ASPH: variants seen among roughly 807,000 people sequenced by gnomAD.
ASPH encodes the protein aspartyl/asparaginyl beta-hydroxylase.
ASPH carries 100 observed loss-of-function variants against 118.4 expected under a neutral mutation model. The ratio of observed to expected loss-of-function variants is 0.84; its 90% CI spans 0.72 to 1.00. The LOEUF (loss-of-function observed/expected upper bound fraction) is 1.00. ASPH is among the 50% of genes least tolerant of loss of function. ASPH has a pLI of 0.00. For synonymous variants in ASPH, 315 were observed against 325.6 expected (o/e 0.97, Z 0.35); for missense variants, 920 against 919.5 (o/e 1.00, Z -0.01).
At chr8:61,512,167 T>C (rs914800477) in intron 24 of ASPH, among the ~76,000 whole-genome samples, 1 of 152,078 alleles carries the variant, frequency 6.6e-6, no homozygotes, top group Non-Finnish European at 1.5e-5. Flanking sequence ...ACTACTAATA[T>C]TGTAGTGGGC....
At chr8:61,564,145 G>T (rs1460133880) in intron 17 of ASPH, among the ~76,000 whole-genome samples, 1 of 152,030 alleles carries the variant, frequency 6.6e-6, no homozygotes, top group Non-Finnish European at 1.5e-5. Context: ...TGATGTGAAG[G>T]CTAGTTTAAT....
intron 15 of ASPH, chr8:61,579,440 G>A: frequency 3.1e-6 from 5 of 1,611,022 alleles, no homozygotes; most frequent in Non-Finnish European, 4.2e-6. Flanking sequence ...CTGGGATGCA[G>A]AACATGAGTA....
In ASPH at chr8:61,500,837, A is replaced by G. The variant is rs939408980; in HGVS notation, c.*2522T>C. On this transcript the variant is annotated 3_prime_UTR_variant, in exon 25 of 25. Coordinates refer to ENST00000379454, the MANE Select transcript of ASPH (RefSeq NM_004318.4). The stretch of plus-strand genomic sequence containing the variant: ...AATATGATTTTACATTATTTTAAAT[A>G]TTTGGGAGAGTTAATTTGTTAGCTA... The G allele has an allele frequency of 3.3e-5, 5 of 152,216 alleles. No homozygotes were observed. Among genetic ancestry groups the G allele is most frequent in the African/African-American group, 1.2e-4 (5 of 41,446 alleles). The allele number at this position is 152,216 out of a possible 1,614,324, so 9.4% of individuals were successfully genotyped here.
intron 1 of ASPH, among the ~76,000 whole-genome samples, chr8:61,697,172 G>A (rs561817565): frequency 1.2e-3 from 177 of 152,228 alleles, no homozygotes; most frequent in African/African-American, 3.3e-3. Flanking sequence ...TAAAACACAC[G>A]TCTTACAGTT....
At chr8:61,561,353 T>C (rs1324578747) in intron 18 of ASPH, among the ~76,000 whole-genome samples, 1 of 152,226 alleles carries the variant, frequency 6.6e-6, no homozygotes, top group East Asian at 1.9e-4. Context: ...AATTAATTTA[T>C]GACCTGGAAT....
chr8:61,639,688 C>T (rs537107546), intron 10 of ASPH, among the ~76,000 whole-genome samples: 1 of 152,276 alleles, frequency 6.6e-6, no homozygotes, highest in South Asian at 2.1e-4. Flanking sequence ...ATGGTTCCCA[C>T]ACTCACAATC....
chr8:61,646,104 G>A (rs1177441201), intron 6 of ASPH, among the ~76,000 whole-genome samples: 1 of 152,192 alleles, frequency 6.6e-6, no homozygotes, highest in African/African-American at 2.4e-5. Context: ...AGGACTGCTT[G>A]AGCATGGGAG....
intron 1 of ASPH, among the ~76,000 whole-genome samples, chr8:61,706,807 G>T (rs1360822699): frequency 6.6e-6 from 1 of 152,146 alleles, no homozygotes; most frequent in African/African-American, 2.4e-5. Flanking sequence ...GCTTCTACAT[G>T]CCTGGAACAA....
intron 14 of ASPH, among the ~76,000 whole-genome samples, chr8:61,591,926 C>T (rs1587783799): frequency 1.3e-5 from 2 of 152,208 alleles, no homozygotes; most frequent in East Asian, 3.8e-4. Flanking sequence ...AAGGAAGTAG[C>T]TGAACTTTGT....
chr8:61,621,733 A>T (rs1413806811), intron 13 of ASPH, among the ~76,000 whole-genome samples: 1 of 152,252 alleles, frequency 6.6e-6, no homozygotes, highest in Non-Finnish European at 1.5e-5. Context: ...AATTTCAGAG[A>T]CTATATTCCA....
intron 13 of ASPH, among the ~76,000 whole-genome samples, chr8:61,626,844 AT>A (rs554201971): frequency 0.013 from 2,017 of 150,192 alleles, 44 homozygotes; most frequent in African/African-American, 0.041. Flanking sequence ...ACTTTTTACA[AT>A]TTTTTTTTTC....
Position 61,526,048 on chromosome 8 carries a change from C to A in ASPH, c.1829G>T (p.Gly610Val), listed in dbSNP as rs1370548472. ...GTTTTCATCCTCAGGCAGGAAGAGA[C>A]CTTTGGCTTTATCCATCACTGCAAG... ...EGLAVMDKAK[G>V]LFLPEDENLR... Residue 610 changes from glycine (G) to valine (V), a missense_variant, in exon 22 of 25, where the codon GGT (glycine) becomes GTT (valine). Gly to Val is a moderately radical substitution (Grantham distance 109). Coordinates refer to ENST00000379454, the MANE Select transcript of ASPH (RefSeq NM_004318.4). 6.2e-7 allele frequency: 1 copy of A among 1,613,976 alleles called. No individual in the cohort carries two copies. Among genetic ancestry groups the A allele is most frequent in the Admixed American group, 1.7e-5 (1 of 60,010 alleles).
chr8:61,633,554 T>C (rs1856509744), intron 13 of ASPH, 129 bp downstream of exon 13: 1 of 761,442 alleles, frequency 1.3e-6, no homozygotes, highest in Admixed American at 3.4e-5. Flanking sequence ...AGAAAAATTC[T>C]AAATTAAGGT....
At chr8:61,519,856 A>G (rs1487342278) in intron 22 of ASPH, among the ~76,000 whole-genome samples, 1 of 152,206 alleles carries the variant, frequency 6.6e-6, no homozygotes, top group Non-Finnish European at 1.5e-5. Flanking sequence ...AGTGTGATCT[A>G]TTGTAGACTT....
At chr8:61,630,002 T>C in intron 13 of ASPH, among the ~76,000 whole-genome samples, 1 of 152,164 alleles carries the variant, frequency 6.6e-6, no homozygotes, top group Non-Finnish European at 1.5e-5. Flanking sequence ...GTCTTAGAAC[T>C]ATTAAAGGTC....
intron 5 of ASPH, 90 bp downstream of exon 5, chr8:61,650,960 C>CTTTAAAT: frequency 7.4e-7 from 1 of 1,345,590 alleles, no homozygotes; most frequent in Non-Finnish European, 1.0e-6. Context: ...CCCAATTAAC[C>CTTTAAAT]TTTAAATTTT....
At chr8:61,643,065 G>A (rs964684513) in intron 9 of ASPH, 145 bp from the exon 10 acceptor site, 7 of 771,494 alleles carry the variant, frequency 9.1e-6, no homozygotes, top group Non-Finnish European at 1.4e-5. Context: ...AATAATAAAT[G>A]CCTCTGCCCA....
At chr8:61,668,172 G>A in intron 3 of ASPH, 1 of 1,473,880 alleles carries the variant, frequency 6.8e-7, no homozygotes, top group East Asian at 2.3e-5. Flanking sequence ...CCCAGAAAAT[G>A]TCATGCATTT....
intron 21 of ASPH, among the ~76,000 whole-genome samples, chr8:61,546,525 T>C (rs1174047449): frequency 1.3e-5 from 2 of 152,236 alleles, no homozygotes; most frequent in Admixed American, 1.3e-4. Flanking sequence ...GATGTTGTTC[T>C]TGTGCTATTT....
Sources: allele counts gnomAD v4.1 joint callset (sites outside exome capture counted in the v4.1 genomes callset), GRCh38; gene constraint gnomAD v4.1.1; transcripts MANE v1.5; gene names NCBI Gene and HGNC (gene_info 2026-07-23, HGNC 2026-07-21).